Variants in NDRG2 observed in about 807,000 individuals in gnomAD.
NDRG2 encodes the protein NDRG family member 2, also known as protein NDRG2.
A neutral mutation model predicts 58.2 loss-of-function variants in NDRG2; 34 were observed. That is an observed-to-expected ratio of 0.58 (90% CI 0.44 to 0.78). The LOEUF (loss-of-function observed/expected upper bound fraction) is 0.78. Among genes scored for constraint, NDRG2 ranks in the 30% least tolerant of loss-of-function variants. The pLI is 0.00. For synonymous variants in NDRG2, 187 were observed against 175.9 expected (o/e 1.06, Z -0.50); for missense variants, 434 against 471.2 (o/e 0.92, Z 0.73).
chr14:21,019,494 A>G, intron 10 of NDRG2, 145 bp downstream of exon 10: 1 of 634,452 alleles, frequency 1.6e-6, no homozygotes, highest in Non-Finnish European at 2.8e-6. Flanking sequence ...TCTGTCCTGA[A>G]GCTGCCCCCA....
chr14:21,030,830 G>A (rs1454288126), upstream of NDRG2: 3 of 1,557,728 alleles, frequency 1.9e-6, no homozygotes, highest in East Asian at 2.3e-5. Flanking sequence ...TTCACGTGGT[G>A]GAACATTTGC....
At chr14:21,033,008 C>A in intron 1 of NDRG2, 1 of 455,230 alleles carries the variant, frequency 2.2e-6, no homozygotes, top group Non-Finnish European at 4.4e-6. Flanking sequence ...TGGTCAGGGG[C>A]AGACTCTGGA....
In NDRG2 at chr14:21,019,644, G is replaced by A. The variant is rs2138864725; in HGVS notation, c.711C>T (p.Tyr237=). 1.9e-6 allele frequency: 3 copies of A among 1,607,650 alleles called. No individual in the cohort carries two copies. Among genetic ancestry groups the A allele is most frequent in the South Asian group, 1.1e-5 (1 of 90,584 alleles). ...LDNIELYWNS[Y]NNRRDLNFER... is the part of the protein sequence containing the mutation. Reference sequence around the variant, plus strand: ...TACACACACAGCCCACCCACTTGTTGTAGCTGTTCCAGTACAATTCAATGT... The same window carrying A: ...TACACACACAGCCCACCCACTTGTTATAGCTGTTCCAGTACAATTCAATGT... Residue 237 remains tyrosine (Y), a synonymous_variant, in exon 10 of 16, where the codon TAC becomes TAT. Coordinates refer to ENST00000556147, the MANE Select transcript of NDRG2 (RefSeq NM_001320329.2).
At chr14:21,032,296 T>G (rs3818615) in intron 1 of NDRG2, 5 of 648,176 alleles carry the variant, frequency 7.7e-6, no homozygotes, top group Admixed American at 2.1e-5. Context: ...CTACCAGCCA[T>G]CAGTTAGCAT....
chr14:21,031,809 C>G, intron 1 of NDRG2: 1 of 1,465,638 alleles, frequency 6.8e-7, no homozygotes, highest in Middle Eastern at 1.9e-4. Context: ...AGCACTTGTT[C>G]TAAGTATCTC....
chr14:21,060,372 TA>T (rs1222628126), intron 1 of NDRG2, among the ~76,000 whole-genome samples: 1 of 152,146 alleles, frequency 6.6e-6, no homozygotes, highest in Admixed American at 6.5e-5. Context: ...CTCGTGCTTA[TA>T]ACCAGGGAAG....
intron 1 of NDRG2, among the ~76,000 whole-genome samples, chr14:21,062,236 T>G (rs993099876): frequency 2.0e-5 from 3 of 152,238 alleles, no homozygotes; most frequent in African/African-American, 4.8e-5. Context: ...CGATTCATGT[T>G]CTATGATATT....
chr14:21,020,839 G>T lies in NDRG2; in HGVS notation c.413C>A (p.Ser138Tyr), dbSNP rs4387520. 6.2e-7 allele frequency: 1 copy of T among 1,613,282 alleles called. No homozygotes were observed. The highest frequency in any genetic ancestry group is 1.1e-5 in the South Asian group (1 of 90,922). The change falls in exon 7 of 16, where the codon TCT becomes TAT. Residue 138 changes from serine to tyrosine, a missense_variant. By Grantham distance (144) the Ser-to-Tyr change is moderately radical (BLOSUM62 -2). Transcript: ENST00000556147. ...TCCAACACCAACTCCAATTATTGTA[G>T]AGAAACTGTGAAAGGGAAAGAAATA... ...IPCVLQYLNFSTIIGVGVGAG... is the reference protein window; with the variant it reads ...IPCVLQYLNFYTIIGVGVGAG...
At chr14:21,028,593 C>T (rs1883855659), upstream of NDRG2, 1 of 152,016 alleles carries the variant, frequency 6.6e-6, no homozygotes, top group Non-Finnish European at 1.5e-5. Flanking sequence ...TCCTTGAATG[C>T]TAAGCAAAAA....
chr14:21,021,416 ACT>A, intron 6 of NDRG2: 1 of 304,540 alleles, frequency 3.3e-6, no homozygotes. Flanking sequence ...TCCTTCCCCA[ACT>A]CTCTCTCACC....
chr14:21,061,121 T>C (rs1337068806), intron 1 of NDRG2, among the ~76,000 whole-genome samples: 1 of 152,206 alleles, frequency 6.6e-6, no homozygotes, highest in East Asian at 1.9e-4. Flanking sequence ...AAATGGATTC[T>C]GTAACGTTTT....
At chr14:21,042,898 C>T (rs755028558) in intron 1 of NDRG2, 2 of 1,027,806 alleles carry the variant, frequency 1.9e-6, no homozygotes, top group Non-Finnish European at 2.8e-6. Flanking sequence ...GGGTGACTAG[C>T]TCATATGAGC....
intron 1 of NDRG2, chr14:21,033,032 G>T (rs780234559): frequency 2.2e-5 from 10 of 453,410 alleles, no homozygotes; most frequent in Non-Finnish European, 2.2e-5. Context: ...TGGGGGATTT[G>T]GGAGGAGCTT....
At chr14:21,028,241 TTTTTGTTTTG>T (rs71112541), upstream of NDRG2, among the ~76,000 whole-genome samples, 15 of 150,456 alleles carry the variant, frequency 1.0e-4, no homozygotes, top group South Asian at 4.2e-4. Flanking sequence ...CTTGGGGTTC[TTTTTGTTTTG>T]TTTTGTTTTG....
intron 1 of NDRG2, chr14:21,033,468 G>A (rs989083744): frequency 3.0e-5 from 10 of 335,540 alleles, no homozygotes; most frequent in African/African-American, 8.5e-5. Flanking sequence ...GCCATGGTGT[G>A]AGCTGAGGCC....
At chr14:21,018,578 C>T (rs1173327061) in intron 12 of NDRG2, 74 bp from the exon 13 acceptor site, 2 of 1,576,918 alleles carry the variant, frequency 1.3e-6, no homozygotes, top group African/African-American at 2.7e-5. Context: ...ACCCAGGAAC[C>T]CAGACCCCAG....
intron 1 of NDRG2, chr14:21,036,316 T>C (rs1884625026): frequency 4.4e-6 from 2 of 455,210 alleles, no homozygotes; most frequent in Admixed American, 2.4e-5. Flanking sequence ...AAGTCTGCAA[T>C]AGCTTGTTTC....
At chr14:21,031,962 G>A (rs9624) in intron 1 of NDRG2, 611 of 1,614,074 alleles carry the variant, frequency 3.8e-4, no homozygotes, top group Non-Finnish European at 4.9e-4. Context: ...CACAAGGAGC[G>A]CTTTGATGAG....
At chr14:21,044,220 A>T (rs1594498955) in intron 1 of NDRG2, 1 of 166,442 alleles carries the variant, frequency 6.0e-6, no homozygotes. Context: ...AAAGGTCATT[A>T]CCTCTCTAGC....
Sources: allele counts gnomAD v4.1 joint callset (sites outside exome capture counted in the v4.1 genomes callset), GRCh38; gene constraint gnomAD v4.1.1; transcripts MANE v1.5; gene names NCBI Gene and HGNC (gene_info 2026-07-23, HGNC 2026-07-21).